The following CYP20A1 variants were observed in gnomAD, a reference collection of about 807,000 sequenced individuals.
CYP20A1 encodes cytochrome P450 family 20 subfamily A member 1.
In CYP20A1, 61 loss-of-function variants were observed where a neutral mutation model predicts 61.4. The observed-to-expected ratio is 0.99, with a 90% CI of 0.81 to 1.23. CYP20A1 has a LOEUF of 1.23. Ranked by LOEUF, CYP20A1 falls within the 50% of genes most tolerant of loss-of-function variation. CYP20A1 has a pLI of 0.00. For missense variants in CYP20A1, 530 were observed against 542.4 expected (o/e 0.98, Z 0.23); for synonymous variants, 193 against 188.2 (o/e 1.03, Z -0.21).
At chr2:203,272,179 C>G (rs1007091005) in intron 5 of CYP20A1, among the ~76,000 whole-genome samples, 1 of 152,106 alleles carries the variant, frequency 6.6e-6, no homozygotes, top group Non-Finnish European at 1.5e-5. Context: ...TGTACCCTCC[C>G]CTCTGAAACT....
At position 203,239,042 on chromosome 2, in the gene CYP20A1, G is replaced by T. The variant is rs768032504; in HGVS notation, c.-21G>T. 17 of 1,611,642 alleles carry T rather than the reference G, an allele frequency of 1.1e-5. No homozygotes were observed. The highest frequency in any genetic ancestry group is 1.6e-4 in the Middle Eastern group (1 of 6,062). On this transcript the variant is annotated 5_prime_UTR_variant, in exon 1 of 13. Coordinates refer to ENST00000356079, the MANE Select transcript of CYP20A1 (RefSeq NM_177538.3). ...TGCTGGAGCGGCCGATCCGAGACGT[G>T]GCTCCCTGGGCGGCAGAACCATGTT...
chr2:203,296,613 T>C, intron 12 of CYP20A1, 50 bp downstream of exon 12: 1 of 1,470,180 alleles, frequency 6.8e-7, no homozygotes, highest in Non-Finnish European at 9.4e-7. Context: ...ATGATCACTG[T>C]TGATGAGAAT....
rs183598555 is a variant in CYP20A1, at chr2:203,246,989, G to A, written c.289+68G>A. 2,742 of 1,485,970 alleles carry A rather than the reference G, an allele frequency of 1.8e-3. 47 individuals carry two copies. The African/African-American group carries it at 0.035, about 19-fold the overall frequency. 92.0% of individuals were successfully genotyped at this position (1,485,970 alleles called of 1,614,324 possible). ...AAGAATGAATGTTTAGGCTGGGCAC[G>A]GTGGCTCACACCTGTAATCCCAACA... On this transcript the variant is annotated intron_variant, in intron 3 of 12. Coordinates refer to ENST00000356079, the MANE Select transcript of CYP20A1 (RefSeq NM_177538.3).
At chr2:203,284,982 G>A (rs1349988554) in intron 8 of CYP20A1, among the ~76,000 whole-genome samples, 1 of 151,762 alleles carries the variant, frequency 6.6e-6, no homozygotes, top group African/African-American at 2.4e-5. Flanking sequence ...CTGAGCCTAC[G>A]CAATCCCCCA....
In CYP20A1 at chr2:203,243,711, A is replaced by G. The variant is rs2066344577; in HGVS notation, c.73-2135A>G. ...TTTTTTTTTTTTTTTTTTTTTTGAGACAGGGTCTCACTCTGTCACCCAGGC... is the reference window on the plus strand; with the variant it reads ...TTTTTTTTTTTTTTTTTTTTTTGAGGCAGGGTCTCACTCTGTCACCCAGGC... On this transcript the variant is annotated intron_variant, in intron 1 of 12. Transcript: ENST00000356079. 2.5e-5 allele frequency among the ~76,000 whole-genome samples: 3 copies of G among 117,650 alleles called. No homozygotes were observed. The South Asian group carries it at 8.2e-4, about 32-fold the overall frequency. 77.2% of individuals were successfully genotyped at this position (117,650 alleles called of 152,430 possible).
chr2:203,251,939 A>C lies in CYP20A1; in HGVS notation c.290-28A>C. On this transcript the variant is annotated intron_variant, in intron 3 of 12. Transcript: ENST00000356079. ...TATCTTTTTGAGTGATTATTTTGAT[A>C]CAGAAATATTTAATTTGTCTGTTTC... The C allele has an allele frequency of 2.0e-6, 3 of 1,503,154 alleles. No homozygotes were observed. In the Admixed American group the frequency reaches 5.8e-5, roughly 29 times the overall value. The allele number at this position is 1,503,154 out of a possible 1,614,324, so 93.1% of individuals were successfully genotyped here. A position where few individuals can be genotyped will look rare whatever the true frequency, so the allele number is the denominator to read the frequency against.
At chr2:203,254,532 G>A (rs2105918832) in intron 4 of CYP20A1, among the ~76,000 whole-genome samples, 2 of 149,814 alleles carry the variant, frequency 1.3e-5, no homozygotes, top group Middle Eastern at 6.8e-3. Flanking sequence ...CTGGGCGACA[G>A]AGCTAGACTC....
chr2:203,243,851 G>A (rs974487908), intron 1 of CYP20A1, among the ~76,000 whole-genome samples: 41 of 151,460 alleles, frequency 2.7e-4, no homozygotes, highest in African/African-American at 8.2e-4. Context: ...ACTGCACCCG[G>A]CGAATTTTTT....
chr2:203,284,048 G>T (rs1459965697), intron 8 of CYP20A1, among the ~76,000 whole-genome samples: 1 of 152,152 alleles, frequency 6.6e-6, no homozygotes, highest in African/African-American at 2.4e-5. Context: ...TAATGAAGAG[G>T]CATATGTAGG....
At chr2:203,273,385 A>G (rs2067686673) in intron 6 of CYP20A1, among the ~76,000 whole-genome samples, 1 of 152,200 alleles carries the variant, frequency 6.6e-6, no homozygotes, top group South Asian at 2.1e-4. Context: ...ATGAAAGAAG[A>G]CAATATTCAT....
intron 8 of CYP20A1, among the ~76,000 whole-genome samples, chr2:203,283,211 A>AT (rs371972851): frequency 0.87 from 72,849 of 83,646 alleles, 32,820 homozygotes; most frequent in Non-Finnish European, 0.95. Context: ...CAATGTGAGA[A>AT]TTTTTTTTTT....
intron 5 of CYP20A1, among the ~76,000 whole-genome samples, chr2:203,267,385 C>A (rs547001458): frequency 1.4e-5 from 2 of 145,256 alleles, no homozygotes; most frequent in African/African-American, 5.1e-5. Flanking sequence ...ATAAGAAAAA[C>A]TAGCCAGGCA....
Position 203,299,905 on chromosome 2 carries a change from G to A in CYP20A1, c.*2997G>A, listed in dbSNP as rs1416597364. 6.6e-6 allele frequency among the ~76,000 whole-genome samples: 1 copy of A among 152,128 alleles called. No homozygotes were observed. The highest frequency in any genetic ancestry group is 1.5e-5 in the Non-Finnish European group (1 of 68,020). ...AAAAAGAAAAATTCTAAAACTTTAAGTGAAATTTATTATCCCTTCCCACTT... is the reference window on the plus strand; with the variant it reads ...AAAAAGAAAAATTCTAAAACTTTAAATGAAATTTATTATCCCTTCCCACTT... On this transcript the variant is annotated 3_prime_UTR_variant, in exon 13 of 13. Coordinates refer to ENST00000356079, the MANE Select transcript of CYP20A1 (RefSeq NM_177538.3).
chr2:203,255,932 T>G (rs2066878078), intron 4 of CYP20A1, among the ~76,000 whole-genome samples: 2 of 152,190 alleles, frequency 1.3e-5, no homozygotes, highest in Admixed American at 6.5e-5. Flanking sequence ...TCTCTGATCA[T>G]CCCACATTGC....
At chr2:203,266,726 C>T (rs377765394) in intron 5 of CYP20A1, 45 bp downstream of exon 5, 89 of 1,529,818 alleles carry the variant, frequency 5.8e-5, no homozygotes, top group African/African-American at 2.7e-4. Flanking sequence ...AGGCTGGGCA[C>T]GGCAGCTCAC....
At chr2:203,263,165 T>C (rs1290652102) in intron 4 of CYP20A1, among the ~76,000 whole-genome samples, 1 of 151,324 alleles carries the variant, frequency 6.6e-6, no homozygotes, top group East Asian at 1.9e-4. Context: ...ATTTTTGTAT[T>C]TTTAGTAGAG....
At chr2:203,247,676 G>A (rs1452833519) in intron 3 of CYP20A1, among the ~76,000 whole-genome samples, 9 of 152,014 alleles carry the variant, frequency 5.9e-5, no homozygotes, top group Non-Finnish European at 1.5e-5. Context: ...AGCCAACATG[G>A]TGAAACCCTG....
chr2:203,267,843 C>CAAA, intron 5 of CYP20A1, among the ~76,000 whole-genome samples: 1 of 77,140 alleles, frequency 1.3e-5, no homozygotes, highest in East Asian at 3.5e-4. Context: ...GAGTCCATCT[C>CAAA]AAAAAAAAAA....
chr2:203,273,211 G>T (rs115779136), intron 6 of CYP20A1, among the ~76,000 whole-genome samples: 56 of 152,212 alleles, frequency 3.7e-4, no homozygotes, highest in African/African-American at 1.3e-3. Flanking sequence ...TTTAACAGAA[G>T]CGAGGAAAAA....
Sources: gnomAD v4.1 joint callset for allele counts (sites outside exome capture counted in the v4.1 genomes callset) on GRCh38, gnomAD v4.1.1 for gene constraint, MANE v1.5 for transcripts, NCBI Gene and HGNC (gene_info 2026-07-23, HGNC 2026-07-21) for gene names.